The following SLC28A2 variants were observed in gnomAD, a reference collection of about 807,000 sequenced individuals.
SLC28A2 encodes sodium/nucleoside cotransporter 2.
A neutral mutation model predicts 72.9 loss-of-function variants in SLC28A2; 69 were observed. The observed-to-expected ratio is 0.95, with a 90% CI of 0.78 to 1.16. SLC28A2 has a LOEUF of 1.16. Among genes scored for constraint, SLC28A2 ranks in the 50% most tolerant of loss-of-function variants. The pLI is 0.00. For synonymous variants in SLC28A2, 296 were observed against 294.1 expected (o/e 1.01, Z -0.07); for missense variants, 745 against 791.1 (o/e 0.94, Z 0.70).
chr15:45,275,305 T>C, intron 17 of SLC28A2, 91 bp from the exon 18 acceptor site: 1 of 745,832 alleles, frequency 1.3e-6, no homozygotes, highest in African/African-American at 1.7e-5. Context: ...TTTTTGTTTT[T>C]GTTTTCAGCT....
In SLC28A2 at chr15:45,275,435, T is replaced by C. The variant is rs1900724387; in HGVS notation, c.1899T>C (p.Gly633=). The C allele has an allele frequency of 1.4e-5, 23 of 1,613,786 alleles. No homozygotes were observed. Among genetic ancestry groups the C allele is most frequent in the Non-Finnish European group, 1.9e-5 (22 of 1,179,782 alleles). The part of the protein sequence containing the change: ...LNGTNPPSFS[G]PWEDKEFSAM... ...GCACCAACCCTCCTTCTTTTTCTGG[T>C]CCCTGGGAAGATAAGGAGTTCAGTG... Residue 633 remains glycine (G), a synonymous_variant, in exon 18 of 18, where the codon GGT becomes GGC. Coordinates refer to ENST00000347644, the MANE Select transcript of SLC28A2 (RefSeq NM_004212.4).
intron 3 of SLC28A2, 152 bp from the exon 4 acceptor site, chr15:45,261,863 A>T (rs1257373371): frequency 3.1e-6 from 2 of 655,246 alleles, no homozygotes; most frequent in East Asian, 5.2e-5. Flanking sequence ...TTGGCATTGC[A>T]GGACACTACC....
intron 12 of SLC28A2, 30 bp downstream of exon 12, chr15:45,267,826 G>T: frequency 6.2e-7 from 1 of 1,613,028 alleles, no homozygotes; most frequent in Middle Eastern, 1.7e-4. Context: ...TACTTTGGGA[G>T]ATGGTGAGCT....
intron 6 of SLC28A2, among the ~76,000 whole-genome samples, chr15:45,264,365 G>T (rs182287589): frequency 4.8e-4 from 73 of 152,328 alleles, no homozygotes; most frequent in African/African-American, 1.7e-3. Context: ...AGATAGTACT[G>T]TTAAAATATT....
Position 45,270,229 on chromosome 15 carries a change from G to C in SLC28A2, c.1601G>C (p.Cys534Ser), listed in dbSNP as rs1157421666. Residue 534 changes from cysteine to serine, a missense_variant, in exon 15 of 18, where the codon TGT becomes TCT. Transcript: ENST00000347644. The stretch of plus-strand genomic sequence containing the variant: ...GAAATCATTACAACATTTTCACTCT[G>C]TGGATTTGCCAATCTTAGTTCCATA... ...RAEIITTFSL[C>S]GFANLSSIGI... is the part of the protein sequence containing the mutation. The C allele has an allele frequency of 6.2e-7, 1 of 1,613,820 alleles. No individual in the cohort carries two copies. The highest frequency in any genetic ancestry group is 1.7e-5 in the Admixed American group (1 of 60,030).
chr15:45,269,458 C>T lies in SLC28A2; in HGVS notation c.1489C>T (p.Gln497Ter), dbSNP rs988688425. 1.9e-6 allele frequency: 3 copies of T among 1,614,074 alleles called. No homozygotes were observed. The highest frequency in any genetic ancestry group is 1.6e-4 in the Middle Eastern group (1 of 6,062). ...KFFINEFVAYQQLSQYKNKRL... is the reference protein window; with the variant it reads ...KFFINEFVAY ...CTTCATAAATGAGTTTGTGGCTTAT[C>T]AGCAACTGTCTCAATACAAGAACAA... is the stretch of plus-strand genomic sequence containing the variant. Residue 497 changes from glutamine to a stop codon, truncating the protein, a stop_gained, in exon 14 of 18, where the codon CAG becomes TAG. Transcript: ENST00000347644. LOFTEE classifies it high-confidence loss of function.
chr15:45,269,439 A>G lies in SLC28A2; in HGVS notation c.1470A>G (p.Ile490Met). The change falls in exon 14 of 18, where the codon ATA becomes ATG. Residue 490 changes from isoleucine (I) to methionine (M), a missense_variant. Transcript: ENST00000347644. The stretch of plus-strand genomic sequence containing the variant: ...AGATGGTGGGAATCAAGTTCTTCAT[A>G]AATGAGTTTGTGGCTTATCAGCAAC... ...VAEMVGIKFF[I>M]NEFVAYQQLS... 6.2e-7 allele frequency: 1 copy of G among 1,614,188 alleles called. No individual in the cohort carries two copies. The highest frequency in any genetic ancestry group is 8.5e-7 in the Non-Finnish European group (1 of 1,179,980).
intron 17 of SLC28A2, among the ~76,000 whole-genome samples, chr15:45,273,234 A>C (rs1027973311): frequency 1.3e-5 from 2 of 152,248 alleles, no homozygotes; most frequent in African/African-American, 4.8e-5. Flanking sequence ...TAGACTTAGC[A>C]ATGGTTATAA....
Position 45,264,769 on chromosome 15 carries a change from GTA to G in SLC28A2, c.702+3_702+4del, listed in dbSNP as rs1271442379. 3 of 1,584,068 alleles carry G rather than the reference GTA, an allele frequency of 1.9e-6. No homozygotes were observed. The highest frequency in any genetic ancestry group is 2.6e-6 in the Non-Finnish European group (3 of 1,152,708). On this transcript the variant is annotated splice_donor_variant and splice_donor_region_variant and intron_variant, in intron 7 of 17. Transcript: ENST00000347644. LOFTEE classifies it high-confidence loss of function. The stretch of plus-strand genomic sequence containing the variant: ...TCAGTGGCTGGGAGAGCAGGTCCAG[GTA>G]TGAGAAATTAAATGCGAGGGCTTTT...
chr15:45,266,569 C>T (rs999310333), intron 10 of SLC28A2, among the ~76,000 whole-genome samples: 17 of 152,186 alleles, frequency 1.1e-4, no homozygotes, highest in South Asian at 4.1e-4. Flanking sequence ...TCATCGCTAA[C>T]GCCCAGGCTC....
intron 9 of SLC28A2, 24 bp downstream of exon 9, chr15:45,265,687 C>T: frequency 6.8e-7 from 1 of 1,462,630 alleles, no homozygotes; most frequent in Non-Finnish European, 9.6e-7. Flanking sequence ...TTACACCAGT[C>T]AGGAGACAGG....
intron 3 of SLC28A2, 86 bp downstream of exon 3, chr15:45,253,606 G>A (rs995752454): frequency 6.4e-5 from 47 of 736,074 alleles, no homozygotes; most frequent in Middle Eastern, 3.7e-4. Flanking sequence ...TATCACAACC[G>A]CTCCACCTTA....
rs56258028 is a variant in SLC28A2 at position 45,274,499 on chromosome 15, G to GCAAA, written c.1860-880_1860-877dup. Among the ~76,000 whole-genome samples the GCAAA allele has an allele frequency of 8.4e-3, 1,271 of 151,916 alleles. 8 individuals carry two copies. The highest frequency in any genetic ancestry group is 0.015 in the South Asian group (74 of 4,796). On this transcript the variant is annotated intron_variant, in intron 17 of 17. Coordinates refer to ENST00000347644, the MANE Select transcript of SLC28A2 (RefSeq NM_004212.4). ...TGCAGTCCAGTCTGGGTGACAGGGT[G>GCAAA]CAAACAAACAAACAAACAAATAAAG...
rs372471088 is a variant in SLC28A2, at chr15:45,264,787, G to A, written c.702+19G>A. On this transcript the variant is annotated intron_variant, in intron 7 of 17. Transcript: ENST00000347644. ...GGTCCAGGTATGAGAAATTAAATGC[G>A]AGGGCTTTTCTCTTTTAGAACCCTA... is the stretch of plus-strand genomic sequence containing the variant. 69 of 1,463,254 alleles carry A rather than the reference G, an allele frequency of 4.7e-5. No homozygotes were observed. The highest frequency in any genetic ancestry group is 3.5e-4 in the Middle Eastern group (2 of 5,770). 90.6% of individuals were successfully genotyped at this position (1,463,254 alleles called of 1,614,324 possible).
intron 3 of SLC28A2, among the ~76,000 whole-genome samples, chr15:45,257,066 A>G (rs1899999746): frequency 1.3e-5 from 2 of 152,118 alleles, no homozygotes. Context: ...TCAACTATCA[A>G]CTGTTCCTTA....
chr15:45,269,728 A>G (rs1032764996), intron 14 of SLC28A2, among the ~76,000 whole-genome samples, 193 bp downstream of exon 14: 4 of 152,124 alleles, frequency 2.6e-5, no homozygotes, highest in Non-Finnish European at 5.9e-5. Flanking sequence ...ATGGGTCTGC[A>G]TGCTATTTTC....
intron 17 of SLC28A2, among the ~76,000 whole-genome samples, chr15:45,274,789 G>A (rs1246292589): frequency 1.3e-4 from 20 of 148,440 alleles, no homozygotes; most frequent in African/African-American, 4.8e-4. Context: ...CTGTTGCCCC[G>A]GCTGGGGTGC....
intron 3 of SLC28A2, 116 bp from the exon 4 acceptor site, chr15:45,261,899 T>A: frequency 5.3e-6 from 4 of 750,080 alleles, no homozygotes; most frequent in Non-Finnish European, 9.6e-6. Flanking sequence ...TGAAGAATAT[T>A]CTTCATTGAC....
At chr15:45,265,330 C>T (rs1389190663) in intron 8 of SLC28A2, among the ~76,000 whole-genome samples, 164 bp downstream of exon 8, 2 of 152,116 alleles carry the variant, frequency 1.3e-5, no homozygotes, top group Non-Finnish European at 2.9e-5. Flanking sequence ...TATCTTCTTC[C>T]CTGTGGTCAT....
Sources: allele counts gnomAD v4.1 joint callset (sites outside exome capture counted in the v4.1 genomes callset), GRCh38; gene constraint gnomAD v4.1.1; transcripts MANE v1.5; gene names NCBI Gene and HGNC (gene_info 2026-07-23, HGNC 2026-07-21).